Variants in CYP7B1 observed in about 807,000 individuals in gnomAD.
CYP7B1 encodes the protein cytochrome P450 family 7 subfamily B member 1, also known as cytochrome P450 7B1.
Under a neutral mutation model 42.7 loss-of-function variants are expected in CYP7B1, and 29 were observed. The ratio of observed to expected loss-of-function variants is 0.68; its 90% CI spans 0.51 to 0.93. The LOEUF (loss-of-function observed/expected upper bound fraction) is 0.93, where lower values mean the gene tolerates loss of function less well. CYP7B1 is among the 40% of genes least tolerant of loss of function. The pLI is 0.00. For missense variants in CYP7B1, 655 were observed against 600.5 expected (o/e 1.09, Z -0.95); for synonymous variants, 235 against 218.2 (o/e 1.08, Z -0.68).
At chr8:64,776,535 A>G (rs1288802056) in intron 1 of CYP7B1, among the ~76,000 whole-genome samples, 1 of 152,166 alleles carries the variant, frequency 6.6e-6, no homozygotes, top group East Asian at 1.9e-4. Context: ...ATATAAACAC[A>G]GTACTTGAGA....
At chr8:64,749,758 C>T (rs989369248) in intron 1 of CYP7B1, among the ~76,000 whole-genome samples, 1 of 152,110 alleles carries the variant, frequency 6.6e-6, no homozygotes, top group African/African-American at 2.4e-5. Context: ...TACTTTTCTA[C>T]CTCCATACTA....
intron 1 of CYP7B1, among the ~76,000 whole-genome samples, chr8:64,672,135 A>C (rs1219960610): frequency 1.3e-5 from 2 of 152,190 alleles, no homozygotes; most frequent in Non-Finnish European, 1.5e-5. Context: ...AATAATGAAC[A>C]GATTAATGAT....
intron 2 of CYP7B1, 68 bp downstream of exon 2, chr8:64,624,335 C>A: frequency 2.1e-6 from 3 of 1,452,974 alleles, no homozygotes; most frequent in Non-Finnish European, 1.9e-6. Context: ...TAGAGAAAAA[C>A]AGAAAGACAT....
chr8:64,775,386 C>A (rs1804307021), intron 1 of CYP7B1, among the ~76,000 whole-genome samples: 1 of 152,068 alleles, frequency 6.6e-6, no homozygotes, highest in South Asian at 2.1e-4. Context: ...TGTGTATTCT[C>A]AGGTTTCTCG....
At chr8:64,761,726 C>T (rs955286538) in intron 1 of CYP7B1, among the ~76,000 whole-genome samples, 6 of 152,072 alleles carry the variant, frequency 3.9e-5, no homozygotes, top group Non-Finnish European at 7.4e-5. Flanking sequence ...GTGTTTTACA[C>T]CAGAATGCAC....
chr8:64,625,050 T>G (rs1805590013), intron 1 of CYP7B1, among the ~76,000 whole-genome samples: 1 of 134,768 alleles, frequency 7.4e-6, no homozygotes, highest in Non-Finnish European at 1.5e-5. Context: ...CTCGGCTCAC[T>G]GCAAGCTGCG....
chr8:64,798,526 C>A lies in CYP7B1; in HGVS notation c.62G>T (p.Gly21Val). 6.7e-7 allele frequency: 1 copy of A among 1,501,862 alleles called. No homozygotes were observed. The highest frequency in any genetic ancestry group is 8.8e-7 in the Non-Finnish European group (1 of 1,134,332). The allele number at this position is 1,501,862 out of a possible 1,614,324, so 93.0% of individuals were successfully genotyped here. The change falls in exon 1 of 6, where the codon GGC (glycine) becomes GTC (valine). Residue 21 changes from glycine to valine, a missense_variant. Transcript: ENST00000310193. ...CAGCAGGGCCGCGGCGAGGGCCAGG[C>A]CCGGGAGGCCCAACCGCTCCAGCGA... Reference protein sequence around the residue: ...RFSLERLGLPGLALAAALLLL... With the variant: ...RFSLERLGLPVLALAAALLLL...
At chr8:64,705,582 T>C (rs1461168949) in intron 1 of CYP7B1, among the ~76,000 whole-genome samples, 2 of 135,514 alleles carry the variant, frequency 1.5e-5, no homozygotes, top group East Asian at 3.9e-4. Context: ...TTGGTTTTTA[T>C]AAGATTTTTT....
intron 1 of CYP7B1, among the ~76,000 whole-genome samples, chr8:64,795,178 T>A (rs1804685665): frequency 1.3e-5 from 2 of 152,186 alleles, no homozygotes; most frequent in Non-Finnish European, 2.9e-5. Context: ...TACAACAACA[T>A]GAGTGAATCT....
intron 1 of CYP7B1, among the ~76,000 whole-genome samples, chr8:64,686,514 GC>G (rs1282936656): frequency 3.4e-4 from 19 of 56,270 alleles, no homozygotes; most frequent in Non-Finnish European, 5.8e-4. Flanking sequence ...GGGGGGGTCA[GC>G]CCCCCTGCCC....
chr8:64,732,927 CT>C (rs954642721), intron 1 of CYP7B1: 1 of 152,476 alleles, frequency 6.6e-6, no homozygotes, highest in Non-Finnish European at 1.5e-5. Context: ...TTTCTGAGGT[CT>C]CCCCAGTTGT....
intron 1 of CYP7B1, among the ~76,000 whole-genome samples, chr8:64,686,121 C>A (rs1806636491): frequency 9.3e-6 from 1 of 108,038 alleles, no homozygotes; most frequent in Non-Finnish European, 2.0e-5. Context: ...AGCCCTCCGC[C>A]CGGCCAGCCG....
At chr8:64,658,247 T>C (rs1303550866) in intron 1 of CYP7B1, among the ~76,000 whole-genome samples, 1 of 152,208 alleles carries the variant, frequency 6.6e-6, no homozygotes, top group Non-Finnish European at 1.5e-5. Flanking sequence ...AATATTATAA[T>C]TGTTCTGTGA....
intron 4 of CYP7B1, among the ~76,000 whole-genome samples, chr8:64,612,978 A>T (rs1401462896): frequency 2.0e-5 from 3 of 152,160 alleles, no homozygotes; most frequent in Non-Finnish European, 2.9e-5. Context: ...ATTCACATAT[A>T]AGTTTGCTCT....
chr8:64,737,303 TG>T (rs575793096), intron 1 of CYP7B1, among the ~76,000 whole-genome samples: 44 of 152,016 alleles, frequency 2.9e-4, no homozygotes, highest in Admixed American at 5.2e-4. Flanking sequence ...AAAGAAAAAA[TG>T]TACATAATTC....
intron 1 of CYP7B1, among the ~76,000 whole-genome samples, chr8:64,773,937 A>G (rs1300917468): frequency 1.3e-5 from 2 of 152,224 alleles, no homozygotes; most frequent in Non-Finnish European, 1.5e-5. Flanking sequence ...TCCATTCATG[A>G]GGACAGATGC....
intron 1 of CYP7B1, among the ~76,000 whole-genome samples, chr8:64,626,679 A>T (rs1390553598): frequency 6.6e-6 from 1 of 152,160 alleles, no homozygotes; most frequent in East Asian, 1.9e-4. Flanking sequence ...CTTCCTAGTT[A>T]TTTATTTGGT....
rs35771862 is a variant in CYP7B1, at chr8:64,717,171, C to CT, written c.122+81294dup. Among the ~76,000 whole-genome samples the CT allele has an allele frequency of 1.9e-4, 29 of 151,984 alleles. No individual in the cohort carries two copies. The East Asian group carries it at 2.5e-3, about 13-fold the overall frequency. On this transcript the variant is annotated intron_variant, in intron 1 of 5. Transcript: ENST00000310193. Reference sequence around the variant, plus strand: ...TATGATTAATGTTTACATGGTACATCTTTTTTTTCCATTCTTTTACTCTTT... The same window carrying CT: ...TATGATTAATGTTTACATGGTACATCTTTTTTTTTCCATTCTTTTACTCTTT...
intron 1 of CYP7B1, among the ~76,000 whole-genome samples, chr8:64,736,754 T>A (rs1396627324): frequency 6.6e-6 from 1 of 151,978 alleles, no homozygotes; most frequent in Non-Finnish European, 1.5e-5. Context: ...TGGGCTGAAT[T>A]TTTTTTTAAT....
Sources: gnomAD v4.1 joint callset for allele counts (sites outside exome capture counted in the v4.1 genomes callset) on GRCh38, gnomAD v4.1.1 for gene constraint, MANE v1.5 for transcripts, NCBI Gene and HGNC (gene_info 2026-07-23, HGNC 2026-07-21) for gene names.